NCAM2: variants seen among roughly 807,000 people sequenced by gnomAD.
NCAM2 encodes neural cell adhesion molecule 2, also known as N-CAM-2.
Under a neutral mutation model 98.1 loss-of-function variants are expected in NCAM2, and 30 were observed. The ratio of observed to expected loss-of-function variants is 0.31; its 90% CI spans 0.23 to 0.41. NCAM2 has a LOEUF of 0.41. Among genes scored for constraint, NCAM2 ranks in the 10% least tolerant of loss-of-function variants. The pLI is 1.00. For missense variants in NCAM2, 867 were observed against 1,005.8 expected (o/e 0.86, Z 1.87); for synonymous variants, 368 against 342.4 (o/e 1.07, Z -0.83).
chr21:21,236,754 A>ATGTGTG (rs1380956831), intron 1 of NCAM2, among the ~76,000 whole-genome samples: 3 of 40,896 alleles, frequency 7.3e-5, no homozygotes, highest in Non-Finnish European at 1.0e-4. Context: ...AAATCAGTAC[A>ATGTGTG]TATGTGTGTG....
chr21:21,327,281 C>T (rs912709438), intron 6 of NCAM2, among the ~76,000 whole-genome samples: 1 of 123,478 alleles, frequency 8.1e-6, no homozygotes, highest in Admixed American at 1.1e-4. Context: ...ACACTCCAGC[C>T]AGGCAACAGA....
At chr21:21,104,195 T>C (rs891058121) in intron 1 of NCAM2, among the ~76,000 whole-genome samples, 3 of 152,146 alleles carry the variant, frequency 2.0e-5, no homozygotes, top group African/African-American at 7.2e-5. Flanking sequence ...CATGTTATCT[T>C]TTCAGTAAAT....
intron 1 of NCAM2, among the ~76,000 whole-genome samples, chr21:21,140,552 T>C (rs1422649494): frequency 6.6e-6 from 1 of 152,192 alleles, no homozygotes; most frequent in African/African-American, 2.4e-5. Context: ...TTAAAAATCA[T>C]CTGAGATTGC....
chr21:21,182,044 A>T (rs1014207879), intron 1 of NCAM2, among the ~76,000 whole-genome samples: 2 of 151,182 alleles, frequency 1.3e-5, no homozygotes, highest in African/African-American at 4.9e-5. Context: ...AAAAAAAAAA[A>T]CAAATAAAAA....
chr21:21,474,530 C>A (rs1436336176), intron 14 of NCAM2, among the ~76,000 whole-genome samples: 1 of 151,518 alleles, frequency 6.6e-6, no homozygotes, highest in Non-Finnish European at 1.5e-5. Context: ...TAATTAAGGT[C>A]TCATTTTTTG....
At chr21:21,039,320 C>T (rs1228233541) in intron 1 of NCAM2, among the ~76,000 whole-genome samples, 4 of 151,986 alleles carry the variant, frequency 2.6e-5, no homozygotes, top group African/African-American at 9.7e-5. Flanking sequence ...GCAGTTCCCT[C>T]GAAAAAGATA....
chr21:21,387,518 C>CA (rs544931484), intron 9 of NCAM2, among the ~76,000 whole-genome samples: 56,817 of 147,882 alleles, frequency 0.38, 10,911 homozygotes, highest in East Asian at 0.58. Flanking sequence ...ATATTCAAGA[C>CA]AAAAAAAAAA....
chr21:21,041,522 T>C (rs1168134260), intron 1 of NCAM2, among the ~76,000 whole-genome samples: 4 of 152,202 alleles, frequency 2.6e-5, no homozygotes, highest in African/African-American at 7.2e-5. Context: ...TTACCTCGTA[T>C]AAGTGCTTCT....
intron 1 of NCAM2, among the ~76,000 whole-genome samples, chr21:21,150,752 T>A (rs923767258): frequency 7.9e-5 from 12 of 152,076 alleles, no homozygotes; most frequent in Admixed American, 7.2e-4. Flanking sequence ...ATATTAGTGA[T>A]GGTATTGTTT....
At chr21:21,017,896 C>A (rs1047476593) in intron 1 of NCAM2, among the ~76,000 whole-genome samples, 2 of 151,990 alleles carry the variant, frequency 1.3e-5, no homozygotes, top group African/African-American at 4.8e-5. Flanking sequence ...TATACACATA[C>A]AGATATTACA....
At chr21:21,474,038 C>A (rs2776106) in intron 14 of NCAM2, among the ~76,000 whole-genome samples, 1 of 151,840 alleles carries the variant, frequency 6.6e-6, no homozygotes, top group African/African-American at 2.4e-5. Flanking sequence ...CATTAAGTTA[C>A]CTAGGGGAAC....
At chr21:21,270,244 A>G (rs2826759) in intron 1 of NCAM2, among the ~76,000 whole-genome samples, 2 of 152,012 alleles carry the variant, frequency 1.3e-5, no homozygotes, top group Non-Finnish European at 2.9e-5. Flanking sequence ...CCTCTTCAAG[A>G]TATTTTAGTT....
intron 1 of NCAM2, among the ~76,000 whole-genome samples, chr21:21,114,771 T>G (rs1301724155): frequency 6.6e-6 from 1 of 152,108 alleles, no homozygotes; most frequent in Non-Finnish European, 1.5e-5. Flanking sequence ...AATTCTGCTT[T>G]TATTAAACAA....
In NCAM2 at chr21:21,539,815, A is replaced by G. The variant is rs1307488086; in HGVS notation, c.*1858A>G. The G allele has an allele frequency of 6.6e-6, 1 of 152,132 alleles. No individual in the cohort carries two copies. Among genetic ancestry groups the G allele is most frequent in the African/African-American group, 2.4e-5 (1 of 41,440 alleles). 9.4% of individuals were successfully genotyped at this position (152,132 alleles called of 1,614,324 possible). A position where few individuals can be genotyped will look rare whatever the true frequency, so the allele number is the denominator to read the frequency against. ...CAAAGCAGTTAGGTCATTTTAACTG[A>G]CTTGATTATCCAACTGGTCTTTGAC... On this transcript the variant is annotated 3_prime_UTR_variant, in exon 18 of 18. Coordinates refer to ENST00000400546, the MANE Select transcript of NCAM2 (RefSeq NM_004540.5).
At chr21:21,266,403 TAG>T (rs1336706611) in intron 1 of NCAM2, among the ~76,000 whole-genome samples, 3 of 152,076 alleles carry the variant, frequency 2.0e-5, no homozygotes, top group African/African-American at 7.2e-5. Flanking sequence ...GCATTCTAAT[TAG>T]AGATATGGCC....
At chr21:21,099,026 T>G (rs894797260) in intron 1 of NCAM2, among the ~76,000 whole-genome samples, 1 of 151,908 alleles carries the variant, frequency 6.6e-6, no homozygotes, top group African/African-American at 2.4e-5. Flanking sequence ...CATCAGTGGA[T>G]TAATTTATTC....
chr21:21,025,157 C>T lies in NCAM2; in HGVS notation c.55+26539C>T, dbSNP rs552970284. Among the ~76,000 whole-genome samples, 13 of 151,850 alleles carry T rather than the reference C, an allele frequency of 8.6e-5. No individual in the cohort carries two copies. In the South Asian group the frequency reaches 2.3e-3, roughly 27 times the overall value. On this transcript the variant is annotated intron_variant, in intron 1 of 17. Coordinates refer to ENST00000400546, the MANE Select transcript of NCAM2 (RefSeq NM_004540.5). ...CTGGAGTGCAGTGGTGCAATCTCGGCTCACTGCAAGCTCCGCCTCCCGGGT... is the reference window on the plus strand; with the variant it reads ...CTGGAGTGCAGTGGTGCAATCTCGGTTCACTGCAAGCTCCGCCTCCCGGGT...
rs1965286584 is a variant in NCAM2 at position 20,998,633 on chromosome 21, C to A, written c.55+15C>A. 1.2e-6 allele frequency: 2 copies of A among 1,613,158 alleles called. No individual in the cohort carries two copies. The highest frequency in any genetic ancestry group is 1.7e-6 in the Non-Finnish European group (2 of 1,179,208). ...TAGCGGGCAAGGTAGGAGTGTGGCG[C>A]TTTATTGCATTTACTTTCCCTCCCC... On this transcript the variant is annotated intron_variant, in intron 1 of 17. Transcript: ENST00000400546.
chr21:21,417,187 G>A (rs962201865), intron 10 of NCAM2, among the ~76,000 whole-genome samples: 2 of 151,966 alleles, frequency 1.3e-5, no homozygotes, highest in African/African-American at 4.8e-5. Context: ...TGTTGAATTT[G>A]CAAATAACTT....
Sources: gnomAD v4.1 joint callset for allele counts (sites outside exome capture counted in the v4.1 genomes callset) on GRCh38, gnomAD v4.1.1 for gene constraint, MANE v1.5 for transcripts, NCBI Gene and HGNC (gene_info 2026-07-23, HGNC 2026-07-21) for gene names.